MAN2A1: variants seen among roughly 807,000 people sequenced by gnomAD.
MAN2A1 encodes alpha-mannosidase 2.
In MAN2A1, 76 loss-of-function variants were observed where a neutral mutation model predicts 142.6. The ratio of observed to expected loss-of-function variants is 0.53; its 90% CI spans 0.44 to 0.65. The LOEUF is 0.65. MAN2A1 is among the 30% of genes least tolerant of loss of function. MAN2A1 has a pLI of 0.00. For missense variants in MAN2A1, 1,311 were observed against 1,365.1 expected, an observed-to-expected ratio of 0.96 and a Z score of 0.62; for synonymous variants, 559 against 473.2, an observed-to-expected ratio of 1.18 and a Z score of -2.35.
At chr5:109,791,722 C>T (rs970498394) in intron 12 of MAN2A1, among the ~76,000 whole-genome samples, 10 of 151,852 alleles carry the variant, frequency 6.6e-5, no homozygotes, top group East Asian at 5.8e-4. Flanking sequence ...AGATATAGTA[C>T]GTAACAGGTA....
At chr5:109,777,303 T>TGAGG (rs1753319682) in intron 8 of MAN2A1, among the ~76,000 whole-genome samples, 1 of 152,108 alleles carries the variant, frequency 6.6e-6, no homozygotes, top group Non-Finnish European at 1.5e-5. Context: ...TTATTTTTTA[T>TGAGG]TTCTCCTGTG....
intron 16 of MAN2A1, among the ~76,000 whole-genome samples, chr5:109,829,674 C>T (rs1754854262): frequency 1.3e-5 from 2 of 152,274 alleles, no homozygotes; most frequent in South Asian, 4.1e-4. Flanking sequence ...GGATCTTGAT[C>T]CCACTTATTT....
intron 16 of MAN2A1, among the ~76,000 whole-genome samples, chr5:109,826,992 AC>A (rs1319815442): frequency 6.6e-6 from 1 of 152,248 alleles, no homozygotes; most frequent in Non-Finnish European, 1.5e-5. Context: ...GCATAAAATA[AC>A]AAAAAATATT....
At chr5:109,794,225 T>C (rs1234454002) in intron 12 of MAN2A1, 1 of 152,152 alleles carries the variant, frequency 6.6e-6, no homozygotes, top group Non-Finnish European at 1.5e-5. Flanking sequence ...CCAAGGCGGC[T>C]CTAGTCTGAG....
At chr5:109,710,746 A>G (rs1751277308) in intron 1 of MAN2A1, among the ~76,000 whole-genome samples, 2 of 151,646 alleles carry the variant, frequency 1.3e-5, no homozygotes, top group South Asian at 2.1e-4. Context: ...CCTGGGGTGC[A>G]ATGGTGCGAT....
intron 19 of MAN2A1, among the ~76,000 whole-genome samples, chr5:109,850,781 A>G (rs1346399388): frequency 2.6e-5 from 4 of 152,226 alleles, no homozygotes; most frequent in African/African-American, 9.6e-5. Flanking sequence ...CTCCTTGGAT[A>G]GTAATTGATT....
chr5:109,786,497 G>T (rs964650138), intron 10 of MAN2A1, among the ~76,000 whole-genome samples: 2 of 151,932 alleles, frequency 1.3e-5, no homozygotes, highest in African/African-American at 4.8e-5. Context: ...CATATGTTTT[G>T]TGTTGCTTTT....
Position 109,690,274 on chromosome 5 carries a change from G to A in MAN2A1, c.-144G>A, listed in dbSNP as rs1177932194. 6 of 781,704 alleles carry A rather than the reference G, an allele frequency of 7.7e-6. No homozygotes were observed. The highest frequency in any genetic ancestry group is 1.7e-5 in the African/African-American group (1 of 58,588). 48.4% of individuals were successfully genotyped at this position (781,704 alleles called of 1,614,324 possible). A position where few individuals can be genotyped will look rare whatever the true frequency, so the allele number is the denominator to read the frequency against. ...GCGCCGGAGACTAGGTGCGGAGCAAGGCGGGGACTCGCACCCGCATCCGAG... is the reference window on the plus strand; with the variant it reads ...GCGCCGGAGACTAGGTGCGGAGCAAAGCGGGGACTCGCACCCGCATCCGAG... On this transcript the variant is annotated 5_prime_UTR_variant, in exon 1 of 22. Transcript: ENST00000261483.
At chr5:109,724,292 G>A (rs1478633835) in intron 3 of MAN2A1, among the ~76,000 whole-genome samples, 1 of 152,016 alleles carries the variant, frequency 6.6e-6, no homozygotes, top group Non-Finnish European at 1.5e-5. Flanking sequence ...GAGGGAAGGG[G>A]GAAAGGGTTG....
chr5:109,712,572 G>A (rs1230206967), intron 1 of MAN2A1, among the ~76,000 whole-genome samples: 1 of 151,934 alleles, frequency 6.6e-6, no homozygotes, highest in South Asian at 2.1e-4. Flanking sequence ...TCCTGGTAAT[G>A]AGTATCCAGA....
At chr5:109,801,124 A>G (rs891932953) in intron 12 of MAN2A1, among the ~76,000 whole-genome samples, 5 of 152,108 alleles carry the variant, frequency 3.3e-5, no homozygotes, top group Admixed American at 1.3e-4. Context: ...AAAGCCTTTT[A>G]TTATTCTTAT....
At chr5:109,748,065 G>A (rs547481614) in intron 4 of MAN2A1, among the ~76,000 whole-genome samples, 69 of 152,136 alleles carry the variant, frequency 4.5e-4, no homozygotes, top group South Asian at 1.5e-3. Flanking sequence ...CCGATTTTCT[G>A]GCCTCTTGGT....
intron 19 of MAN2A1, among the ~76,000 whole-genome samples, chr5:109,850,291 G>T (rs1451633258): frequency 1.3e-5 from 2 of 152,184 alleles, no homozygotes; most frequent in East Asian, 3.9e-4. Flanking sequence ...TGCAATTTCT[G>T]CCTATTACCT....
At position 109,820,266 on chromosome 5, in the gene MAN2A1, A is replaced by G. The variant is rs796745549; in HGVS notation, c.2375A>G (p.Gln792Arg). The G allele has an allele frequency of 6.2e-7, 1 of 1,610,790 alleles. No individual in the cohort carries two copies. The highest frequency in any genetic ancestry group is 1.7e-5 in the Admixed American group (1 of 60,014). Residue 792 changes from glutamine to arginine, a missense_variant, in exon 15 of 22, where the codon CAA (glutamine) becomes CGA (arginine). Transcript: ENST00000261483. ...EDGKHHEVNV[Q>R]FSWYGTTIKR... is the part of the protein sequence containing the mutation. ...GGTAAACACCATGAAGTAAATGTGCAATTTTCATGGTATGGAACCACAATT... is the reference window on the plus strand; with the variant it reads ...GGTAAACACCATGAAGTAAATGTGCGATTTTCATGGTATGGAACCACAATT...
chr5:109,835,153 A>C (rs1755025469), intron 16 of MAN2A1, among the ~76,000 whole-genome samples: 1 of 152,238 alleles, frequency 6.6e-6, no homozygotes, highest in African/African-American at 2.4e-5. Flanking sequence ...GTTTACAAAA[A>C]CATCACTAAA....
At chr5:109,815,842 C>G (rs941446260) in intron 12 of MAN2A1, among the ~76,000 whole-genome samples, 4 of 152,110 alleles carry the variant, frequency 2.6e-5, no homozygotes, top group Non-Finnish European at 5.9e-5. Context: ...TGGTTGTTAT[C>G]CAACTATTCA....
intron 3 of MAN2A1, among the ~76,000 whole-genome samples, chr5:109,727,272 G>C (rs1185961338): frequency 1.3e-5 from 2 of 151,992 alleles, no homozygotes; most frequent in African/African-American, 4.8e-5. Context: ...GTGTTGGCAG[G>C]GTTGATTTCT....
At chr5:109,740,697 G>A (rs1409345896) in intron 4 of MAN2A1, among the ~76,000 whole-genome samples, 2 of 151,038 alleles carry the variant, frequency 1.3e-5, no homozygotes, top group East Asian at 3.9e-4. Flanking sequence ...TGGCCCTTCA[G>A]TTTAGGAGCT....
At chr5:109,861,560 A>G in intron 20 of MAN2A1, among the ~76,000 whole-genome samples, 1 of 152,240 alleles carries the variant, frequency 6.6e-6, no homozygotes. Context: ...AGTGCTTTAC[A>G]TGAACTTTAT....
Sources: gnomAD v4.1 joint callset for allele counts (sites outside exome capture counted in the v4.1 genomes callset) on GRCh38, gnomAD v4.1.1 for gene constraint, MANE v1.5 for transcripts, NCBI Gene and HGNC (gene_info 2026-07-23, HGNC 2026-07-21) for gene names.